The following SLC28A1 variants were observed in gnomAD, a reference collection of about 807,000 sequenced individuals.
SLC28A1 encodes the protein solute carrier family 28 member 1, also known as sodium/nucleoside cotransporter 1.
SLC28A1 carries 64 observed loss-of-function variants against 74.8 expected under a neutral mutation model. The observed-to-expected ratio is 0.86, with a 90% CI of 0.70 to 1.05. The LOEUF (loss-of-function observed/expected upper bound fraction) is 1.05. Ranked by LOEUF, SLC28A1 falls within the 50% of genes least tolerant of loss-of-function variation. SLC28A1 has a pLI of 0.00. For missense variants in SLC28A1, 828 were observed against 822.8 expected (o/e 1.01, Z -0.08); for synonymous variants, 359 against 335.0 (o/e 1.07, Z -0.78).
chr15:84,889,677 TTTCCTTCC>T (rs1309924533), intron 4 of SLC28A1, among the ~76,000 whole-genome samples: 9 of 109,828 alleles, frequency 8.2e-5, no homozygotes, highest in African/African-American at 2.9e-4. Context: ...TCCTTCCTTC[TTTCCTTCC>T]TTCCTTCTTT....
intron 9 of SLC28A1, among the ~76,000 whole-genome samples, chr15:84,912,828 ACACACACACACACACACAC>A (rs1968531713): frequency 6.6e-6 from 1 of 151,610 alleles, no homozygotes; most frequent in Non-Finnish European, 1.5e-5. Context: ...ACACACACAC[ACACACACACACACACACAC>A]AGATCAAATA....
intron 13 of SLC28A1, among the ~76,000 whole-genome samples, chr15:84,934,078 C>T (rs1489214392): frequency 6.6e-6 from 1 of 152,238 alleles, no homozygotes; most frequent in Non-Finnish European, 1.5e-5. Context: ...GCAGAGCCCT[C>T]ATGACCCAAT....
intron 6 of SLC28A1, chr15:84,896,047 T>G: frequency 1.5e-6 from 1 of 680,564 alleles, no homozygotes; most frequent in Non-Finnish European, 1.8e-6. Flanking sequence ...ATTTTTGCAA[T>G]GGTCTTCTGT....
rs17222344 is a variant in SLC28A1 at position 84,905,682 on chromosome 15, C to A, written c.717+30C>A. 1.5e-4 allele frequency: 224 copies of A among 1,467,540 alleles called. 3 individuals carry two copies. In the East Asian group the frequency reaches 5.0e-3, roughly 33 times the overall value. 90.9% of individuals were successfully genotyped at this position (1,467,540 alleles called of 1,614,324 possible). A position where few individuals can be genotyped will look rare whatever the true frequency, so the allele number is the denominator to read the frequency against. Reference sequence around the variant, plus strand: ...GTATGTGGGGTCTGGCTGCCCAGAGCATCTTAGATTACTGGGAGTAGGGGA... The same window carrying A: ...GTATGTGGGGTCTGGCTGCCCAGAGAATCTTAGATTACTGGGAGTAGGGGA... On this transcript the variant is annotated intron_variant, in intron 8 of 18. Coordinates refer to ENST00000394573, the MANE Select transcript of SLC28A1 (RefSeq NM_004213.5).
chr15:84,952,078 T>C, the SLC28A1 span, among the ~76,000 whole-genome samples: 1 of 152,048 alleles, frequency 6.6e-6, no homozygotes, highest in Admixed American at 6.6e-5. Context: ...GTCTACCCAC[T>C]AAGATCCGTG....
chr15:84,912,569 C>T (rs1009533887), intron 9 of SLC28A1, among the ~76,000 whole-genome samples: 1 of 152,082 alleles, frequency 6.6e-6, no homozygotes, highest in Admixed American at 6.6e-5. Flanking sequence ...AGTAACTTTC[C>T]ACCCGCATGA....
chr15:84,951,644 C>G, the SLC28A1 span, among the ~76,000 whole-genome samples: 1 of 152,078 alleles, frequency 6.6e-6, no homozygotes, highest in African/African-American at 2.4e-5. Context: ...CTGCGGGGAT[C>G]CTGATGAACA....
intron 15 of SLC28A1, among the ~76,000 whole-genome samples, chr15:84,936,012 T>C (rs1016220063): frequency 1.5e-5 from 2 of 131,546 alleles, no homozygotes; most frequent in African/African-American, 3.0e-5. Flanking sequence ...TGGAGTGCAG[T>C]GGCTCGATCT....
the SLC28A1 span, among the ~76,000 whole-genome samples, chr15:84,966,937 A>C: frequency 6.6e-6 from 1 of 151,640 alleles, no homozygotes; most frequent in African/African-American, 2.4e-5. Flanking sequence ...ATGCCCAGCT[A>C]AGTTTTTTAT....
At chr15:84,939,728 A>G (rs561928115) in intron 15 of SLC28A1, 1 of 151,950 alleles carries the variant, frequency 6.6e-6, no homozygotes, top group Non-Finnish European at 1.5e-5. Flanking sequence ...AAGCACAGGA[A>G]TGTGTTTTTT....
Position 84,922,729 on chromosome 15 carries a change from C to G in SLC28A1, c.958-1256C>G, listed in dbSNP as rs560274711. On this transcript the variant is annotated intron_variant, in intron 11 of 18. Coordinates refer to ENST00000394573, the MANE Select transcript of SLC28A1 (RefSeq NM_004213.5). The stretch of plus-strand genomic sequence containing the variant: ...GCCCACCTGCCCCCTCTGCCTCTGT[C>G]TCAGGCGGCTCCCCCGCGCCCATCT... 3.9e-5 allele frequency among the ~76,000 whole-genome samples: 6 copies of G among 152,346 alleles called. No homozygotes were observed. In the South Asian group the frequency reaches 1.2e-3, roughly 32 times the overall value.
chr15:84,887,324 T>C (rs767593000), intron 2 of SLC28A1: 123 of 983,572 alleles, frequency 1.3e-4, no homozygotes, highest in Non-Finnish European at 1.4e-4. Context: ...CCCTATGAAG[T>C]GGGCAGAATT....
the SLC28A1 span, chr15:84,975,427 T>C: frequency 4.4e-6 from 2 of 454,690 alleles, no homozygotes; most frequent in Non-Finnish European, 8.9e-6. Flanking sequence ...CATTAGATAA[T>C]AGCAGCGATG....
the SLC28A1 span, among the ~76,000 whole-genome samples, chr15:84,967,211 T>C: frequency 1.2e-4 from 19 of 152,318 alleles, no homozygotes; most frequent in East Asian, 3.5e-3. Context: ...CTTTGTTACG[T>C]TGCTACTTGT....
At chr15:84,948,047 A>G, downstream of SLC28A1, among the ~76,000 whole-genome samples, 1 of 152,208 alleles carries the variant, frequency 6.6e-6, no homozygotes, top group Non-Finnish European at 1.5e-5. Context: ...AATTCAGCCC[A>G]TGGGTAACTC....
intron 12 of SLC28A1, among the ~76,000 whole-genome samples, chr15:84,926,266 A>G (rs535544147): frequency 7.9e-5 from 12 of 151,990 alleles, no homozygotes; most frequent in Admixed American, 3.3e-4. Context: ...TGGTGCAATT[A>G]CAGCTCACCA....
chr15:84,973,223 AT>A, the SLC28A1 span, among the ~76,000 whole-genome samples: 7 of 152,142 alleles, frequency 4.6e-5, no homozygotes, highest in East Asian at 9.6e-4. Context: ...TCTGCCTGGA[AT>A]GTTCTTTCCC....
At chr15:84,943,243 G>C (rs1183805804) in intron 15 of SLC28A1, among the ~76,000 whole-genome samples, 1 of 152,060 alleles carries the variant, frequency 6.6e-6, no homozygotes, top group Non-Finnish European at 1.5e-5. Flanking sequence ...GATAAGAGAG[G>C]GGGGCTATGT....
downstream of SLC28A1, among the ~76,000 whole-genome samples, chr15:84,946,822 C>G (rs1485217595): frequency 1.3e-5 from 2 of 152,122 alleles, no homozygotes; most frequent in African/African-American, 4.8e-5. Flanking sequence ...ACCAGCATGC[C>G]CTCTCCATCT....
Sources: allele counts gnomAD v4.1 joint callset (sites outside exome capture counted in the v4.1 genomes callset), GRCh38; gene constraint gnomAD v4.1.1; transcripts MANE v1.5; gene names NCBI Gene and HGNC (gene_info 2026-07-23, HGNC 2026-07-21).